FGGY: variants seen among roughly 807,000 people sequenced by gnomAD.
FGGY encodes FGGY carbohydrate kinase domain containing.
FGGY carries 72 observed loss-of-function variants against 71.3 expected under a neutral mutation model. That is an observed-to-expected ratio of 1.01 (90% CI 0.84 to 1.23). The LOEUF (loss-of-function observed/expected upper bound fraction) is 1.23, where lower values mean the gene tolerates loss of function less well. FGGY is among the 50% of genes most tolerant of loss of function. The pLI is 0.00. For synonymous variants in FGGY, 251 were observed against 250.3 expected, an observed-to-expected ratio of 1.00 and a Z score of -0.02; for missense variants, 668 against 682.3, an observed-to-expected ratio of 0.98 and a Z score of 0.23.
rs138754389 is a variant in FGGY at position 59,411,246 on chromosome 1, G to T, written c.554+32409G>T. Among the ~76,000 whole-genome samples the T allele has an allele frequency of 1.3e-4, 20 of 152,328 alleles. No homozygotes were observed. In the East Asian group the frequency reaches 3.9e-3, roughly 29 times the overall value. On this transcript the variant is annotated intron_variant, in intron 5 of 15. Coordinates refer to ENST00000303721, the MANE Select transcript of FGGY (RefSeq NM_018291.5). ...AATGTCCCTCACTTTGGGTTGGTCTGATGTTTCCACAATATTAAATTCAAA... is the reference window on the plus strand; with the variant it reads ...AATGTCCCTCACTTTGGGTTGGTCTTATGTTTCCACAATATTAAATTCAAA...
chr1:59,718,822 C>G (rs762971788), intron 14 of FGGY, among the ~76,000 whole-genome samples: 5 of 152,212 alleles, frequency 3.3e-5, no homozygotes, highest in Non-Finnish European at 7.3e-5. Context: ...TGCTTGCAGC[C>G]TGTCTGAGGC....
chr1:59,320,923 G>T (rs955895158), intron 1 of FGGY, among the ~76,000 whole-genome samples: 2 of 152,108 alleles, frequency 1.3e-5, no homozygotes, highest in African/African-American at 4.8e-5. Context: ...TACATTTACT[G>T]TTTGAATTTA....
intron 4 of FGGY, among the ~76,000 whole-genome samples, chr1:59,364,566 C>A (rs2056233850): frequency 6.6e-6 from 1 of 152,218 alleles, no homozygotes; most frequent in Non-Finnish European, 1.5e-5. Flanking sequence ...ATAGATCAGA[C>A]AAACTGCTGT....
chr1:59,589,699 A>C (rs2153786324), intron 8 of FGGY, among the ~76,000 whole-genome samples: 1 of 152,372 alleles, frequency 6.6e-6, no homozygotes, highest in East Asian at 1.9e-4. Flanking sequence ...TGGGTACATA[A>C]TGAAATGAAG....
chr1:59,560,256 A>G (rs1170211279), intron 8 of FGGY, among the ~76,000 whole-genome samples: 1 of 152,234 alleles, frequency 6.6e-6, no homozygotes, highest in Non-Finnish European at 1.5e-5. Context: ...CCTATAAAAT[A>G]CTTGACCAGT....
intron 6 of FGGY, among the ~76,000 whole-genome samples, chr1:59,493,105 A>ACACG (rs1281736746): frequency 2.0e-5 from 3 of 149,448 alleles, no homozygotes; most frequent in African/African-American, 7.6e-5. Flanking sequence ...AAACACACAC[A>ACACG]CACACACACA....
At chr1:59,662,029 G>GT (rs1164120940) in intron 12 of FGGY, among the ~76,000 whole-genome samples, 1 of 143,272 alleles carries the variant, frequency 7.0e-6, no homozygotes. Flanking sequence ...GAGTTAAGAG[G>GT]TATTTTATAG....
chr1:59,432,988 C>T (rs1039282731), intron 5 of FGGY, among the ~76,000 whole-genome samples: 1 of 152,196 alleles, frequency 6.6e-6, no homozygotes, highest in Non-Finnish European at 1.5e-5. Context: ...ACATGATTAC[C>T]TCTCCCACAA....
intron 9 of FGGY, among the ~76,000 whole-genome samples, chr1:59,617,418 A>C (rs1046638299): frequency 1.3e-5 from 2 of 152,168 alleles, no homozygotes; most frequent in African/African-American, 4.8e-5. Flanking sequence ...TTTTAAAAAA[A>C]ATCTTCATCT....
intron 2 of FGGY, among the ~76,000 whole-genome samples, chr1:59,328,904 G>A (rs1180367215): frequency 6.6e-6 from 1 of 151,962 alleles, no homozygotes; most frequent in Non-Finnish European, 1.5e-5. Flanking sequence ...TCTTATATGG[G>A]TGCAGTTTGT....
At chr1:59,692,504 T>G (rs933211520) in intron 14 of FGGY, among the ~76,000 whole-genome samples, 2 of 152,156 alleles carry the variant, frequency 1.3e-5, no homozygotes, top group Non-Finnish European at 2.9e-5. Flanking sequence ...AAGCCTCTGT[T>G]TTAAGCAAAA....
chr1:59,387,373 G>T (rs530043237), intron 5 of FGGY, among the ~76,000 whole-genome samples: 72 of 152,014 alleles, frequency 4.7e-4, no homozygotes, highest in African/African-American at 1.7e-3. Context: ...TTTTGTCAAG[G>T]GTTTGGGCTT....
chr1:59,454,881 A>G (rs1003438501), intron 5 of FGGY, among the ~76,000 whole-genome samples: 24 of 152,328 alleles, frequency 1.6e-4, no homozygotes, highest in African/African-American at 5.5e-4. Flanking sequence ...TGAATATTAA[A>G]CATTTATTAA....
At chr1:59,356,721 A>C (rs1013358992) in intron 4 of FGGY, among the ~76,000 whole-genome samples, 1 of 152,202 alleles carries the variant, frequency 6.6e-6, no homozygotes, top group Non-Finnish European at 1.5e-5. Context: ...TGTATGCCCA[A>C]CATAAGTTAA....
chr1:59,691,829 C>T (rs1261298250), intron 14 of FGGY, among the ~76,000 whole-genome samples: 1 of 152,040 alleles, frequency 6.6e-6, no homozygotes, highest in Non-Finnish European at 1.5e-5. Flanking sequence ...TTGTAAAAAA[C>T]CCCTTTTGGA....
intron 14 of FGGY, among the ~76,000 whole-genome samples, chr1:59,728,887 G>A (rs1289436598): frequency 6.6e-6 from 1 of 151,700 alleles, no homozygotes; most frequent in Non-Finnish European, 1.5e-5. Flanking sequence ...ATTCTACTTT[G>A]TGTTCTCTGA....
intron 14 of FGGY, among the ~76,000 whole-genome samples, chr1:59,750,466 G>A (rs1045337441): frequency 6.6e-6 from 1 of 152,186 alleles, no homozygotes; most frequent in Admixed American, 6.5e-5. Flanking sequence ...GATGAATTTT[G>A]ATGAAGTATA....
intron 8 of FGGY, among the ~76,000 whole-genome samples, chr1:59,597,167 G>A (rs1322377689): frequency 1.3e-5 from 2 of 152,236 alleles, no homozygotes; most frequent in African/African-American, 4.8e-5. Context: ...GTCTAGACTT[G>A]TAGGGATGTA....
intron 1 of FGGY, chr1:59,316,343 C>T (rs568637770): frequency 2.6e-5 from 4 of 152,196 alleles, no homozygotes; most frequent in African/African-American, 7.2e-5. Flanking sequence ...AGCTCATCCG[C>T]TTCTGGGAGA....
Sources: allele counts gnomAD v4.1 joint callset (sites outside exome capture counted in the v4.1 genomes callset), GRCh38; gene constraint gnomAD v4.1.1; transcripts MANE v1.5; gene names NCBI Gene and HGNC (gene_info 2026-07-23, HGNC 2026-07-21).